TTC38: variants seen among roughly 807,000 people sequenced by gnomAD.
TTC38 encodes tetratricopeptide repeat domain 38, also known as tetratricopeptide repeat protein 38.
Under a neutral mutation model 64.2 loss-of-function variants are expected in TTC38, and 64 were observed. The observed-to-expected ratio is 1.00, with a 90% CI of 0.81 to 1.23. TTC38 has a LOEUF of 1.23. Among genes scored for constraint, TTC38 ranks in the 50% most tolerant of loss-of-function variants. The probability of loss-of-function intolerance (pLI) is 0.00; values close to 1 mark genes in which losing one functional copy is unlikely to be tolerated. For missense variants in TTC38, 573 were observed against 615.5 expected (o/e 0.93, Z 0.73); for synonymous variants, 254 against 249.3 (o/e 1.02, Z -0.18).
chr22:46,285,150 A>G (rs1253157874), intron 8 of TTC38, 91 bp from the exon 9 acceptor site: 2 of 1,124,472 alleles, frequency 1.8e-6, no homozygotes, highest in Non-Finnish European at 2.7e-6. Context: ...CCATGTGCTC[A>G]GGGGTCTTTG....
Position 46,268,082 on chromosome 22 carries a change from G to A in TTC38, c.33+10G>A. 1 of 1,541,090 alleles carries A rather than the reference G, an allele frequency of 6.5e-7. No homozygotes were observed. The highest frequency in any genetic ancestry group is 8.7e-7 in the Non-Finnish European group (1 of 1,149,718). On this transcript the variant is annotated intron_variant, in intron 1 of 13. Coordinates refer to ENST00000381031, the MANE Select transcript of TTC38 (RefSeq NM_017931.4). ...TCTGCGCGACTGCCAGGTACACGGA[G>A]GCTGCCCCCAACCAGGTCCCCCTCG...
chr22:46,269,035 G>A (rs553359106), intron 2 of TTC38: 80 of 367,516 alleles, frequency 2.2e-4, no homozygotes, highest in East Asian at 8.4e-4. Context: ...ATAGATGGCA[G>A]CACATCTGTG....
Position 46,275,111 on chromosome 22 carries a change from G to C in TTC38, c.366-137G>C. On this transcript the variant is annotated intron_variant, in intron 4 of 13. Coordinates refer to ENST00000381031, the MANE Select transcript of TTC38 (RefSeq NM_017931.4). The surrounding 1 kb of genome is among the most constrained non-coding windows in gnomAD (Gnocchi z 4.5). ...GCTGGGATTACAGGCATAAGCCACCGCACCCAGTCAGAAACTGATTTTTAA... is the reference window on the plus strand; with the variant it reads ...GCTGGGATTACAGGCATAAGCCACCCCACCCAGTCAGAAACTGATTTTTAA... 4 of 810,776 alleles carry C rather than the reference G, an allele frequency of 4.9e-6. No homozygotes were observed. Among genetic ancestry groups the C allele is most frequent in the Non-Finnish European group, 7.6e-6 (4 of 527,940 alleles). The allele number at this position is 810,776 out of a possible 1,614,324, so 50.2% of individuals were successfully genotyped here.
At position 46,270,537 on chromosome 22, in the gene TTC38, T is replaced by TA. The variant is rs1475887562; in HGVS notation, c.112-1793dup. 6.6e-6 allele frequency among the ~76,000 whole-genome samples: 1 copy of TA among 152,002 alleles called. No individual in the cohort carries two copies. Among genetic ancestry groups the TA allele is most frequent in the Non-Finnish European group, 1.5e-5 (1 of 67,992 alleles). On this transcript the variant is annotated intron_variant, in intron 2 of 13. Coordinates refer to ENST00000381031, the MANE Select transcript of TTC38 (RefSeq NM_017931.4). The surrounding 1 kb of genome is among the most constrained non-coding windows in gnomAD (Gnocchi z 4.7). ...ACCAGGTACAAATACAGCAAATTGT[T>TA]AAAAATGATGATGCGCTGGGCGCGG...
In TTC38 at chr22:46,289,476, C is replaced by T. The variant is rs1235872695; in HGVS notation, c.1157C>T (p.Ala386Val). The change falls in exon 12 of 14, where the codon GCT becomes GTT. Residue 386 changes from alanine to valine, a missense_variant. Transcript: ENST00000381031. ...GLPLCQALVE[A>V]EDGNPDRVLE... ...CCCCTGTGCCAGGCCCTGGTGGAGG[C>T]TGAGGACGGGAACCCTGACCGCGTC... The T allele has an allele frequency of 1.2e-6, 2 of 1,609,386 alleles. No individual in the cohort carries two copies. The highest frequency in any genetic ancestry group is 8.5e-7 in the Non-Finnish European group (1 of 1,179,720).
Position 46,268,051 on chromosome 22 carries a change from C to T in TTC38, c.12C>T (p.Ala4=). The T allele has an allele frequency of 1.3e-6, 2 of 1,543,216 alleles. No individual in the cohort carries two copies. Among genetic ancestry groups the T allele is most frequent in the Non-Finnish European group, 8.7e-7 (1 of 1,150,918 alleles). The change falls in exon 1 of 14, where the codon GCC becomes GCT. Residue 4 remains alanine, a synonymous_variant. Transcript: ENST00000381031. The part of the protein sequence containing the change: MAA[A]SPLRDCQAWK... Reference sequence around the variant, plus strand: ...CGACCCGGCGCAACATGGCCGCAGCCTCGCCTCTGCGCGACTGCCAGGTAC... The same window carrying T: ...CGACCCGGCGCAACATGGCCGCAGCTTCGCCTCTGCGCGACTGCCAGGTAC...
chr22:46,284,157 C>T (rs1185279593), intron 8 of TTC38, 125 bp downstream of exon 8: 1 of 771,144 alleles, frequency 1.3e-6, no homozygotes, highest in East Asian at 2.7e-5. Context: ...ATTAACATTT[C>T]CAAAGAGCAC....
At position 46,281,505 on chromosome 22, in the gene TTC38, G is replaced by A; in HGVS notation, c.616-94G>A. On this transcript the variant is annotated intron_variant, in intron 6 of 13. Transcript: ENST00000381031. This position sits in a 1 kb window ranked among gnomAD's most constrained non-coding sequence, Gnocchi z 5.2. The stretch of plus-strand genomic sequence containing the variant: ...CACTTGCTCCACCCCGTTCAGCCCA[G>A]GCCCCTCTTGCCCCTTAGAGACCTG... The A allele has an allele frequency of 1.6e-6, 2 of 1,217,682 alleles. No homozygotes were observed. Among genetic ancestry groups the A allele is most frequent in the South Asian group, 2.6e-5 (2 of 77,278 alleles). 75.4% of individuals were successfully genotyped at this position (1,217,682 alleles called of 1,614,324 possible). A position where few individuals can be genotyped will look rare whatever the true frequency, so the allele number is the denominator to read the frequency against.
At position 46,289,450 on chromosome 22, in the gene TTC38, G is replaced by T; in HGVS notation, c.1131G>T (p.Leu377=). The change falls in exon 12 of 14, where the codon CTG becomes CTT. Residue 377 remains leucine (L), a synonymous_variant. Transcript: ENST00000381031. ...CQHLLARDVG[L]PLCQALVEAE... ...ACCTCCTGGCCCGAGACGTGGGGCT[G>T]CCCCTGTGCCAGGCCCTGGTGGAGG... 6.2e-7 allele frequency: 1 copy of T among 1,609,442 alleles called. No homozygotes were observed.
At chr22:46,277,764 A>G (rs749939801) in intron 5 of TTC38, among the ~76,000 whole-genome samples, 13 of 152,106 alleles carry the variant, frequency 8.5e-5, no homozygotes, top group Non-Finnish European at 1.8e-4. Context: ...CCGGCCATTC[A>G]CTGAGTGCAT....
chr22:46,279,237 C>A (rs1045876375), intron 6 of TTC38, among the ~76,000 whole-genome samples: 1 of 152,168 alleles, frequency 6.6e-6, no homozygotes, highest in Non-Finnish European at 1.5e-5. Context: ...TGGTCTCACG[C>A]TCTGGGGGTC....
intron 6 of TTC38, among the ~76,000 whole-genome samples, chr22:46,279,639 G>A (rs749027789): frequency 2.0e-5 from 3 of 152,260 alleles, no homozygotes; most frequent in Non-Finnish European, 2.9e-5. Context: ...TGGGGCCCAA[G>A]GGTCGCTGCG....
chr22:46,268,105 TC>T (rs1426231022), intron 1 of TTC38, 33 bp downstream of exon 1: 1 of 1,530,354 alleles, frequency 6.5e-7, no homozygotes, highest in Non-Finnish European at 8.7e-7. Flanking sequence ...CAGGTCCCCC[TC>T]GGGCCCCGGG....
Position 46,292,834 on chromosome 22 carries a change from CT to C in TTC38, c.1361del (p.Leu454ArgfsTer58). The C allele has an allele frequency of 6.2e-7, 1 of 1,614,094 alleles. No homozygotes were observed. Among genetic ancestry groups the C allele is most frequent in the East Asian group, 2.2e-5 (1 of 44,884 alleles). ...ERDALKPNSPLTERLIRKAAT... is the reference protein window; with the variant it reads ...ERDALKPNSPXTERLIRKAAT... ...TGATGCCTTGAAGCCCAACTCGCCC[CT>C]GACCGAGCGGCTCATCCGCAAGGCA... On this transcript the variant is annotated frameshift_variant, in exon 14 of 14. Coordinates refer to ENST00000381031, the MANE Select transcript of TTC38 (RefSeq NM_017931.4). LOFTEE classifies it high-confidence loss of function. This position sits in a 1 kb window ranked among gnomAD's most constrained non-coding sequence, Gnocchi z 6.5.
In TTC38 at chr22:46,289,575, C is replaced by T. The variant is rs536303539; in HGVS notation, c.1242+14C>T. On this transcript the variant is annotated intron_variant, in intron 12 of 13. Coordinates refer to ENST00000381031, the MANE Select transcript of TTC38 (RefSeq NM_017931.4). ...AGCAATGCCCAGGTGAGCCGATGGC[C>T]GCCAGCTGGGGTGCCTAGGGCCTGG... The T allele has an allele frequency of 4.3e-5, 67 of 1,564,344 alleles. No individual in the cohort carries two copies. Among genetic ancestry groups the T allele is most frequent in the African/African-American group, 3.1e-4 (23 of 74,242 alleles).
intron 6 of TTC38, among the ~76,000 whole-genome samples, chr22:46,280,982 T>C (rs1166117431): frequency 6.6e-6 from 1 of 152,192 alleles, no homozygotes; most frequent in Non-Finnish European, 1.5e-5. Context: ...GGAGGATCAT[T>C]CCATGAGTCC....
chr22:46,288,611 G>T, intron 11 of TTC38, 23 bp downstream of exon 11: 1 of 1,610,406 alleles, frequency 6.2e-7, no homozygotes, highest in Non-Finnish European at 8.5e-7. Flanking sequence ...GCCTTCTCGG[G>T]GTGGGGGTCC....
chr22:46,268,688 T>C, intron 2 of TTC38, 97 bp downstream of exon 2: 1 of 1,266,256 alleles, frequency 7.9e-7, no homozygotes, highest in South Asian at 1.2e-5. Flanking sequence ...TTTTGTTTTG[T>C]TTTGTTTTGT....
At position 46,273,929 on chromosome 22, in the gene TTC38, G is replaced by C; in HGVS notation, c.225G>C (p.Val75=). 1 of 1,614,256 alleles carries C rather than the reference G, an allele frequency of 6.2e-7. No individual in the cohort carries two copies. The highest frequency in any genetic ancestry group is 1.1e-5 in the South Asian group (1 of 91,086). ...VMGHAMATGL[V]LIGTGSSVKL... ...GCCACGCCATGGCTACTGGCCTTGTGCTGATTGGCACTGGAAGCTCCGTGA... is the reference window on the plus strand; with the variant it reads ...GCCACGCCATGGCTACTGGCCTTGTCCTGATTGGCACTGGAAGCTCCGTGA... The change falls in exon 4 of 14, where the codon GTG becomes GTC. Residue 75 remains valine (V), a synonymous_variant. Coordinates refer to ENST00000381031, the MANE Select transcript of TTC38 (RefSeq NM_017931.4). The surrounding 1 kb of genome is among the most constrained non-coding windows in gnomAD (Gnocchi z 5.1).
Sources: gnomAD v4.1 joint callset for allele counts (sites outside exome capture counted in the v4.1 genomes callset) on GRCh38, gnomAD v4.1.1 for gene constraint, Gnocchi (gnomAD v3.1) non-coding constraint, MANE v1.5 for transcripts, NCBI Gene and HGNC (gene_info 2026-07-23, HGNC 2026-07-21) for gene names.